The following ANKRD11 variants were observed in gnomAD, a reference collection of about 807,000 sequenced individuals.
ANKRD11 encodes ankyrin repeat domain-containing protein 11.
In ANKRD11, 17 loss-of-function variants were observed where a neutral mutation model predicts 195.7. The ratio of observed to expected loss-of-function variants is 0.09; its 90% CI spans 0.06 to 0.13. The LOEUF is 0.13. Among genes scored for constraint, ANKRD11 ranks in the 10% least tolerant of loss-of-function variants. The pLI, the probability that ANKRD11 is intolerant of heterozygous loss-of-function variation, is 1.00. For missense variants in ANKRD11, 3,735 were observed against 3,566.1 expected (o/e 1.05, Z -1.21); for synonymous variants, 1,953 against 1,528.1 (o/e 1.28, Z -6.49).
At chr16:89,313,301 C>G (rs1175765355) in intron 3 of ANKRD11, 2 of 1,286,606 alleles carry the variant, frequency 1.6e-6, no homozygotes, top group African/African-American at 3.0e-5. Flanking sequence ...ACACTGTTCT[C>G]TGTAGCCCTG....
chr16:89,402,266 G>A (rs910479976), intron 2 of ANKRD11, among the ~76,000 whole-genome samples: 41 of 152,116 alleles, frequency 2.7e-4, no homozygotes, highest in African/African-American at 9.4e-4. Context: ...CGTGACGTAC[G>A]CCAGTTCTTT....
chr16:89,355,778 G>A (rs1011742430), intron 2 of ANKRD11, among the ~76,000 whole-genome samples: 5 of 152,180 alleles, frequency 3.3e-5, no homozygotes, highest in East Asian at 3.9e-4. Flanking sequence ...CCTGACAATC[G>A]CATCTGCACC....
chr16:89,404,775 C>A (rs986482178), intron 2 of ANKRD11, among the ~76,000 whole-genome samples: 8 of 152,260 alleles, frequency 5.3e-5, no homozygotes, highest in African/African-American at 1.7e-4. Flanking sequence ...CCACGCCTAC[C>A]TCGCAAGGTC....
chr16:89,316,331 C>T (rs1306832015), intron 3 of ANKRD11, among the ~76,000 whole-genome samples: 2 of 152,150 alleles, frequency 1.3e-5, no homozygotes, highest in African/African-American at 2.4e-5. Context: ...AACTCGGCGT[C>T]TCCCCTCACA....
rs2034457408 is a variant in ANKRD11 at position 89,283,843 on chromosome 16, T to C, written c.2699A>G (p.Tyr900Cys). Reference protein sequence around the residue: ...RDSRAREKRDYREPFFRKKDR... With the variant: ...RDSRAREKRDCREPFFRKKDR... ...CTTCTTTCGGAAGAAGGGCTCTCTG[T>C]AGTCTCGCTTCTCCCGGGCCCGGCT... Residue 900 changes from tyrosine (Y) to cysteine (C), a missense_variant, in exon 9 of 13, where the codon TAC (tyrosine) becomes TGC (cysteine). Physicochemically the swap from Tyr to Cys is radical, Grantham distance 194. Transcript: ENST00000301030. This position sits in a 1 kb window ranked among gnomAD's most constrained non-coding sequence, Gnocchi z 4.3. 2 of 1,614,074 alleles carry C rather than the reference T, an allele frequency of 1.2e-6. No homozygotes were observed. Among genetic ancestry groups the C allele is most frequent in the African/African-American group, 1.3e-5 (1 of 74,940 alleles).
chr16:89,440,918 A>T (rs1209539568), intron 1 of ANKRD11, among the ~76,000 whole-genome samples: 7 of 151,916 alleles, frequency 4.6e-5, no homozygotes, highest in African/African-American at 1.7e-4. Flanking sequence ...ACGGAAAGAG[A>T]GAGCGCATCG....
rs1314132866 is a variant in ANKRD11 at position 89,358,829 on chromosome 16, T to C, written c.-59-41751A>G. On this transcript the variant is annotated intron_variant, in intron 2 of 12. Coordinates refer to ENST00000301030, the MANE Select transcript of ANKRD11 (RefSeq NM_013275.6). Reference sequence around the variant, plus strand: ...TCAGTTATAGTTTGTTTTTTGCCTGTAGGTTTTTTTTTTGAGAATAGGGTC... The same window carrying C: ...TCAGTTATAGTTTGTTTTTTGCCTGCAGGTTTTTTTTTTGAGAATAGGGTC... Among the ~76,000 whole-genome samples the C allele has an allele frequency of 2.0e-5, 3 of 151,898 alleles. No individual in the cohort carries two copies. The East Asian group carries it at 5.8e-4, about 29-fold the overall frequency.
At chr16:89,335,110 A>G (rs990502738) in intron 2 of ANKRD11, among the ~76,000 whole-genome samples, 1 of 152,286 alleles carries the variant, frequency 6.6e-6, no homozygotes, top group African/African-American at 2.4e-5. Context: ...CACCTCCCCA[A>G]ATAACTAATC....
chr16:89,268,960 C>T (rs1248557487), intron 12 of ANKRD11, among the ~76,000 whole-genome samples: 1 of 152,264 alleles, frequency 6.6e-6, no homozygotes, highest in Non-Finnish European at 1.5e-5. Context: ...TCACCTCCAG[C>T]AGCCACTGCA....
chr16:89,442,767 C>T lies in ANKRD11; in HGVS notation c.-144-24399G>A, dbSNP rs111595270. On this transcript the variant is annotated intron_variant, in intron 1 of 12. Transcript: ENST00000301030. ...AGGTTCTGCTGTTTACCCTGCTCCCCGGTGGCAGGAAGGTGTGTGCCCTAT... is the reference window on the plus strand; with the variant it reads ...AGGTTCTGCTGTTTACCCTGCTCCCTGGTGGCAGGAAGGTGTGTGCCCTAT... Among the ~76,000 whole-genome samples, 406 of 152,276 alleles carry T rather than the reference C, an allele frequency of 2.7e-3. 2 individuals are homozygous for T. The highest frequency in any genetic ancestry group is 4.5e-3 in the Non-Finnish European group (305 of 68,022).
At chr16:89,481,161 T>G (rs1286006992) in intron 1 of ANKRD11, among the ~76,000 whole-genome samples, 5 of 152,212 alleles carry the variant, frequency 3.3e-5, no homozygotes, top group Non-Finnish European at 5.9e-5. Context: ...CTTCTCTTTT[T>G]CCAAGTCTTT....
chr16:89,415,457 G>C (rs1309352591), intron 2 of ANKRD11, among the ~76,000 whole-genome samples: 1 of 147,090 alleles, frequency 6.8e-6, no homozygotes, highest in East Asian at 2.0e-4. Context: ...GTAGAGACGG[G>C]GTTTCACCGT....
At chr16:89,425,241 G>A (rs1169101611) in intron 1 of ANKRD11, among the ~76,000 whole-genome samples, 1 of 152,148 alleles carries the variant, frequency 6.6e-6, no homozygotes, top group Non-Finnish European at 1.5e-5. Flanking sequence ...CTAGAAGTGT[G>A]AGAAATTTAG....
At chr16:89,273,247 G>C (rs1471080552) in intron 11 of ANKRD11, among the ~76,000 whole-genome samples, 1 of 152,114 alleles carries the variant, frequency 6.6e-6, no homozygotes, top group Non-Finnish European at 1.5e-5. Flanking sequence ...ATGCTTCCTT[G>C]GAAGGTGTTA....
chr16:89,304,767 GCTTGGGAAGACCTCCCTGCCTCCTGCTCA>G (rs2036078028), intron 4 of ANKRD11, among the ~76,000 whole-genome samples: 1 of 152,202 alleles, frequency 6.6e-6, no homozygotes, highest in Admixed American at 6.5e-5. Flanking sequence ...CCCCGCCTGT[GCTTGGGAAGACCTCCCTGCCTCCTGCTCA>G]CTTTTAGGGC....
At chr16:89,459,461 T>C (rs1223385218) in intron 1 of ANKRD11, 1 of 152,192 alleles carries the variant, frequency 6.6e-6, no homozygotes, top group Non-Finnish European at 1.5e-5. Flanking sequence ...CCTGAAAGTA[T>C]CCTTTCCTTT....
intron 11 of ANKRD11, 104 bp from the exon 12 acceptor site, chr16:89,271,013 C>A: frequency 9.6e-7 from 1 of 1,045,404 alleles, no homozygotes; most frequent in Non-Finnish European, 1.5e-6. Context: ...AAGGGACAAC[C>A]ACAGGGGGAG....
intron 1 of ANKRD11, among the ~76,000 whole-genome samples, chr16:89,425,637 G>A (rs933346149): frequency 1.3e-5 from 2 of 152,136 alleles, no homozygotes; most frequent in Non-Finnish European, 1.5e-5. Flanking sequence ...GGACAAGGTG[G>A]GCCGGTTATT....
chr16:89,362,318 G>A (rs953146413), intron 2 of ANKRD11, among the ~76,000 whole-genome samples: 1 of 152,238 alleles, frequency 6.6e-6, no homozygotes, highest in Admixed American at 6.5e-5. Flanking sequence ...CTGCCTGAGT[G>A]AAACCTCACG....
Sources: allele counts gnomAD v4.1 joint callset (sites outside exome capture counted in the v4.1 genomes callset), GRCh38; gene constraint gnomAD v4.1.1; non-coding constraint Gnocchi (gnomAD v3.1); transcripts MANE v1.5; gene names NCBI Gene and HGNC (gene_info 2026-07-23, HGNC 2026-07-21).